The following DLG2 variants were observed in gnomAD, a reference collection of about 807,000 sequenced individuals.
DLG2 encodes the protein discs large MAGUK scaffold protein 2, also known as disks large homolog 2.
In DLG2, 45 loss-of-function variants were observed where a neutral mutation model predicts 132.5. The observed-to-expected ratio is 0.34, with a 90% CI of 0.27 to 0.44. The LOEUF is 0.44. DLG2 is among the 20% of genes least tolerant of loss of function. The probability of loss-of-function intolerance (pLI) is 1.00; values close to 1 mark genes in which losing one functional copy is unlikely to be tolerated. For synonymous variants in DLG2, 424 were observed against 419.6 expected, an observed-to-expected ratio of 1.01 and a Z score of -0.13; for missense variants, 1,045 against 1,196.9, an observed-to-expected ratio of 0.87 and a Z score of 1.87.
At chr11:83,685,354 G>C (rs988565732) in intron 18 of DLG2, among the ~76,000 whole-genome samples, 2 of 152,042 alleles carry the variant, frequency 1.3e-5, no homozygotes, top group African/African-American at 4.8e-5. Context: ...CACTACAATT[G>C]TTCTTATCAA....
intron 7 of DLG2, among the ~76,000 whole-genome samples, chr11:84,383,467 A>G (rs1319702277): frequency 6.6e-6 from 1 of 152,142 alleles, no homozygotes; most frequent in Non-Finnish European, 1.5e-5. Flanking sequence ...GTTACATTAA[A>G]TGGCAAAAAA....
chr11:85,099,356 G>T (rs1160499822), intron 6 of DLG2, among the ~76,000 whole-genome samples: 1 of 152,140 alleles, frequency 6.6e-6, no homozygotes, highest in South Asian at 2.1e-4. Context: ...AGAACAGTAA[G>T]CAGATGCAAG....
At chr11:83,493,632 T>TTA (rs2093995816) in intron 21 of DLG2, among the ~76,000 whole-genome samples, 2 of 152,126 alleles carry the variant, frequency 1.3e-5, no homozygotes, top group Admixed American at 1.3e-4. Context: ...TCTCTATTTT[T>TTA]TATCTTTTAC....
chr11:84,776,043 T>C (rs1165639511), intron 6 of DLG2, among the ~76,000 whole-genome samples: 1 of 152,198 alleles, frequency 6.6e-6, no homozygotes, highest in Admixed American at 6.5e-5. Context: ...ATTTCTTATG[T>C]TTTTCAAATA....
At chr11:83,498,902 G>A (rs60789586) in intron 21 of DLG2, among the ~76,000 whole-genome samples, 1,898 of 151,608 alleles carry the variant, frequency 0.013, 32 homozygotes, top group African/African-American at 0.043. Flanking sequence ...ACACAAATAA[G>A]ATTTAAAAGG....
chr11:84,822,859 G>A (rs550628885), intron 6 of DLG2, among the ~76,000 whole-genome samples: 1 of 151,980 alleles, frequency 6.6e-6, no homozygotes, highest in South Asian at 2.1e-4. Context: ...TAACTTAATT[G>A]AGCCACAGTA....
intron 3 of DLG2, among the ~76,000 whole-genome samples, chr11:85,360,473 T>C (rs1000114911): frequency 1.3e-5 from 2 of 152,208 alleles, no homozygotes; most frequent in African/African-American, 4.8e-5. Flanking sequence ...AGCCGGGTCT[T>C]ACCTTCACTA....
chr11:84,602,122 G>T (rs1338090568), intron 6 of DLG2, among the ~76,000 whole-genome samples: 3 of 151,952 alleles, frequency 2.0e-5, no homozygotes, highest in African/African-American at 7.2e-5. Flanking sequence ...GCTGGACACT[G>T]GGAATACAGT....
chr11:85,042,822 A>G (rs1303692866), intron 6 of DLG2, among the ~76,000 whole-genome samples: 2 of 152,054 alleles, frequency 1.3e-5, no homozygotes, highest in East Asian at 1.9e-4. Flanking sequence ...ATTAAAATTC[A>G]TATGCTTCAA....
chr11:84,418,934 C>G (rs571240637), intron 7 of DLG2, among the ~76,000 whole-genome samples: 1 of 152,102 alleles, frequency 6.6e-6, no homozygotes, highest in African/African-American at 2.4e-5. Flanking sequence ...GATGTATTCC[C>G]TCTTTAGTAT....
At chr11:85,096,047 T>C (rs2152241316) in intron 6 of DLG2, among the ~76,000 whole-genome samples, 1 of 152,270 alleles carries the variant, frequency 6.6e-6, no homozygotes, top group East Asian at 1.9e-4. Context: ...TCTAGCTAAA[T>C]GATTGTAAAC....
At chr11:85,093,508 T>A (rs2069187337) in intron 6 of DLG2, among the ~76,000 whole-genome samples, 1 of 152,136 alleles carries the variant, frequency 6.6e-6, no homozygotes, top group African/African-American at 2.4e-5. Flanking sequence ...AAGACATACA[T>A]GAGACTGGGT....
chr11:84,040,550 T>C (rs1049357793), intron 11 of DLG2, among the ~76,000 whole-genome samples: 16 of 152,234 alleles, frequency 1.1e-4, no homozygotes, highest in Non-Finnish European at 1.9e-4. Context: ...GCATTATTTC[T>C]GAGGGCTCTG....
intron 3 of DLG2, among the ~76,000 whole-genome samples, chr11:85,340,158 T>C (rs1219465633): frequency 1.3e-5 from 2 of 152,210 alleles, no homozygotes; most frequent in African/African-American, 4.8e-5. Context: ...CAAAGGATTA[T>C]AAATCATGCT....
chr11:85,205,133 T>C (rs2081774859), intron 4 of DLG2, among the ~76,000 whole-genome samples: 1 of 146,632 alleles, frequency 6.8e-6, no homozygotes, highest in Admixed American at 6.8e-5. Flanking sequence ...ATATAATTCA[T>C]ATATATGTGT....
At chr11:84,676,252 G>T (rs1274546807) in intron 6 of DLG2, among the ~76,000 whole-genome samples, 1 of 152,086 alleles carries the variant, frequency 6.6e-6, no homozygotes, top group Non-Finnish European at 1.5e-5. Context: ...CATCCTGGAT[G>T]TGGAGAATAC....
intron 6 of DLG2, among the ~76,000 whole-genome samples, chr11:84,621,962 A>C (rs1322398151): frequency 6.6e-6 from 1 of 152,206 alleles, no homozygotes; most frequent in Non-Finnish European, 1.5e-5. Context: ...GCTTGTTGAA[A>C]TTGTACATTA....
intron 7 of DLG2, among the ~76,000 whole-genome samples, chr11:84,312,919 C>T (rs2098303857): frequency 6.6e-6 from 1 of 152,022 alleles, no homozygotes; most frequent in South Asian, 2.1e-4. Flanking sequence ...AAGAGATTCT[C>T]CTGCCTCAGC....
In DLG2 at chr11:83,964,334, A is replaced by T. The variant is rs1183173402; in HGVS notation, c.1201+990T>A. Among the ~76,000 whole-genome samples the T allele has an allele frequency of 3.3e-5, 5 of 151,994 alleles. No individual in the cohort carries two copies. In the East Asian group the frequency reaches 9.6e-4, roughly 29 times the overall value. On this transcript the variant is annotated intron_variant, in intron 13 of 27. Coordinates refer to ENST00000376104, the MANE Select transcript of DLG2 (RefSeq NM_001142699.3). ...ATCTCAATTTACTGCCAGCTTGAAA[A>T]CATACATATTTTGGAGGTAAGTTGT...
Sources: gnomAD v4.1 joint callset for allele counts (sites outside exome capture counted in the v4.1 genomes callset) on GRCh38, gnomAD v4.1.1 for gene constraint, MANE v1.5 for transcripts, NCBI Gene and HGNC (gene_info 2026-07-23, HGNC 2026-07-21) for gene names.